Variants in RPE observed in about 807,000 individuals in gnomAD.
The protein encoded by RPE is ribulose-5-phosphate-3-epimerase.
A neutral mutation model predicts 24.6 loss-of-function variants in RPE; 16 were observed. That is an observed-to-expected ratio of 0.65 (90% CI 0.44 to 0.99). The LOEUF (loss-of-function observed/expected upper bound fraction) is 0.99, where lower values mean the gene tolerates loss of function less well. Among genes scored for constraint, RPE ranks in the 50% least tolerant of loss-of-function variants. The pLI is 0.00. For synonymous variants in RPE, 93 were observed against 98.4 expected, an observed-to-expected ratio of 0.94 and a Z score of 0.33; for missense variants, 240 against 294.5, an observed-to-expected ratio of 0.81 and a Z score of 1.35.
chr2:210,008,508 CTGGTCTTGAACACCTGCCCTT>C (rs2093660406), intron 1 of RPE, among the ~76,000 whole-genome samples: 2 of 151,630 alleles, frequency 1.3e-5, no homozygotes, highest in Non-Finnish European at 2.9e-5. Flanking sequence ...GTTGGCCAGG[CTGGTCTTGAACACCTGCCCTT>C]GTGATCTGCC....
chr2:210,002,923 T>G, intron 1 of RPE, 140 bp downstream of exon 1: 1 of 1,525,224 alleles, frequency 6.6e-7, no homozygotes, highest in Non-Finnish European at 8.9e-7. Flanking sequence ...GGGTGTGGGG[T>G]AGGAGCCCTG....
chr2:210,016,264 A>T (rs760815010), intron 3 of RPE, 152 bp downstream of exon 3: 31 of 1,613,754 alleles, frequency 1.9e-5, no homozygotes, highest in Non-Finnish European at 2.4e-5. Flanking sequence ...GCAGGTAAAG[A>T]ATACCTTACT....
At chr2:210,016,192 T>G in intron 3 of RPE, 80 bp downstream of exon 3, 1 of 1,613,958 alleles carries the variant, frequency 6.2e-7, no homozygotes, top group South Asian at 1.1e-5. Context: ...ATTTTCTCTT[T>G]TTTTGATACA....
rs1451562766 is a variant in RPE at position 210,021,350 on chromosome 2, T to G, written c.*1559T>G. ...GCATTACAAGGTAAAAATTTGTTAA[T>G]GTTTGTTTTTATTCAGCTTGGGAAA... On this transcript the variant is annotated 3_prime_UTR_variant, in exon 6 of 6. Coordinates refer to ENST00000359429, the MANE Select transcript of RPE (RefSeq NM_199229.3). The G allele has an allele frequency of 6.6e-6, 1 of 152,434 alleles. No individual in the cohort carries two copies. The highest frequency in any genetic ancestry group is 1.5e-5 in the Non-Finnish European group (1 of 67,966). 9.4% of individuals were successfully genotyped at this position (152,434 alleles called of 1,614,324 possible).
At chr2:210,014,519 G>A (rs1288061845) in intron 2 of RPE, among the ~76,000 whole-genome samples, 1 of 152,080 alleles carries the variant, frequency 6.6e-6, no homozygotes, top group Admixed American at 6.5e-5. Flanking sequence ...TAGGCCGGGT[G>A]TGGTGGCCCA....
intron 2 of RPE, among the ~76,000 whole-genome samples, chr2:210,013,268 A>G (rs1194527769): frequency 6.6e-6 from 1 of 152,186 alleles, no homozygotes; most frequent in African/African-American, 2.4e-5. Context: ...GCAAAAATGT[A>G]AAACAAATAA....
At chr2:210,006,826 G>A (rs959523564) in intron 1 of RPE, among the ~76,000 whole-genome samples, 1 of 152,176 alleles carries the variant, frequency 6.6e-6, no homozygotes, top group African/African-American at 2.4e-5. Flanking sequence ...TCAGGCAAAT[G>A]TTAGAATCAC....
intron 1 of RPE, among the ~76,000 whole-genome samples, chr2:210,004,088 G>A (rs1383103529): frequency 6.6e-6 from 1 of 152,120 alleles, no homozygotes. Context: ...AACTGTCACA[G>A]GTAATAATAC....
intron 1 of RPE, among the ~76,000 whole-genome samples, chr2:210,005,316 A>T (rs1163704274): frequency 1.3e-5 from 2 of 151,816 alleles, no homozygotes; most frequent in Non-Finnish European, 2.9e-5. Context: ...ATTGTTTTCT[A>T]GTCTCCTCCC....
At chr2:210,007,048 T>C (rs959257813) in intron 1 of RPE, among the ~76,000 whole-genome samples, 1 of 152,236 alleles carries the variant, frequency 6.6e-6, no homozygotes, top group Non-Finnish European at 1.5e-5. Flanking sequence ...GTCTGGACTT[T>C]GTAGCCATAG....
Position 210,015,981 on chromosome 2 carries a change from A to G in RPE, c.211A>G (p.Met71Val), listed in dbSNP as rs746590056. ...GTGTCTTTTCTTTCTAGACATGCAC[A>G]TGATGGTGTCCAAGCCAGAACAGTG... Reference protein sequence around the residue: ...LGQDPFFDMHMMVSKPEQWVK... With the variant: ...LGQDPFFDMHVMVSKPEQWVK... The change falls in exon 3 of 6, where the codon ATG becomes GTG. Residue 71 changes from methionine to valine, a missense_variant. By Grantham distance (21) the Met-to-Val change is conservative. Coordinates refer to ENST00000359429, the MANE Select transcript of RPE (RefSeq NM_199229.3). 1.9e-6 allele frequency: 3 copies of G among 1,613,988 alleles called. No individual in the cohort carries two copies. The highest frequency in any genetic ancestry group is 2.5e-6 in the Non-Finnish European group (3 of 1,180,008).
At chr2:210,006,744 C>G (rs2093636370) in intron 1 of RPE, among the ~76,000 whole-genome samples, 1 of 152,324 alleles carries the variant, frequency 6.6e-6, no homozygotes, top group East Asian at 1.9e-4. Context: ...GCCTTACTGC[C>G]TGCTTCTGTG....
chr2:210,003,582 C>T (rs1575287641), intron 1 of RPE: 1 of 525,914 alleles, frequency 1.9e-6, no homozygotes, highest in Non-Finnish European at 3.1e-6. Flanking sequence ...AGCAGTAAGA[C>T]TCCCTCAAGA....
At position 210,016,611 on chromosome 2, in the gene RPE, G is replaced by A. The variant is rs778133725; in HGVS notation, c.447G>A (p.Gly149=). ...TGACAGTGGAACCGGGGTTTGGAGGGCAGAAATTCATGGAAGATATGATGC... is the reference window on the plus strand; with the variant it reads ...TGACAGTGGAACCGGGGTTTGGAGGACAGAAATTCATGGAAGATATGATGC... The part of the protein sequence containing the change: ...LVMTVEPGFG[G]QKFMEDMMPK... The change falls in exon 4 of 6, where the codon GGG becomes GGA. Residue 149 remains glycine, a synonymous_variant. Transcript: ENST00000359429. 6.2e-7 allele frequency: 1 copy of A among 1,614,188 alleles called. No homozygotes were observed. Among genetic ancestry groups the A allele is most frequent in the Non-Finnish European group, 8.5e-7 (1 of 1,180,032 alleles).
rs2093832861 is a variant in RPE at position 210,019,710 on chromosome 2, G to A, written c.606G>A (p.Arg202=). Residue 202 remains arginine (R), a synonymous_variant, in exon 6 of 6, where the codon AGG becomes AGA. Transcript: ENST00000359429. ...TTGTGTCTGGCAGTGCTATTATGAG[G>A]AGTGAAGACCCCAGATCTGTGATCA... ...NMIVSGSAIM[R]SEDPRSVINL... is the part of the protein sequence containing the mutation. The A allele has an allele frequency of 1.2e-6, 2 of 1,613,366 alleles. No homozygotes were observed. Among genetic ancestry groups the A allele is most frequent in the South Asian group, 2.2e-5 (2 of 91,050 alleles).
At chr2:210,003,004 C>T (rs1023782527) in intron 1 of RPE, among the ~76,000 whole-genome samples, 6 of 152,170 alleles carry the variant, frequency 3.9e-5, no homozygotes, top group Admixed American at 6.5e-5. Context: ...CAGTTCCTCC[C>T]CTCCCCCCAC....
At chr2:210,017,631 C>A in intron 5 of RPE, 72 bp downstream of exon 5, 1 of 1,363,562 alleles carries the variant, frequency 7.3e-7, no homozygotes, top group Non-Finnish European at 1.0e-6. Context: ...GTCTCATGGG[C>A]CAGCGATTCC....
intron 3 of RPE, 42 bp from the exon 4 acceptor site, chr2:210,016,465 A>G (rs753878321): frequency 3.2e-5 from 51 of 1,613,672 alleles, no homozygotes; most frequent in Non-Finnish European, 4.1e-5. Flanking sequence ...ATAATACAGA[A>G]GTAATTGTAA....
At chr2:210,016,290 C>T (rs761796831) in intron 3 of RPE, 178 bp downstream of exon 3, 33 of 1,610,060 alleles carry the variant, frequency 2.0e-5, no homozygotes, top group Non-Finnish European at 2.6e-5. Flanking sequence ...AGCTGTTCTT[C>T]AGCTATGATG....
Sources: allele counts gnomAD v4.1 joint callset (sites outside exome capture counted in the v4.1 genomes callset), GRCh38; gene constraint gnomAD v4.1.1; transcripts MANE v1.5; gene names NCBI Gene and HGNC (gene_info 2026-07-23, HGNC 2026-07-21).